TLCD4: variants seen among roughly 807,000 people sequenced by gnomAD.
TLCD4 encodes TLC domain containing 4, also known as TLC domain-containing protein 4.
A neutral mutation model predicts 24.2 loss-of-function variants in TLCD4; 7 were observed. That is an observed-to-expected ratio of 0.29 (90% CI 0.16 to 0.54). The LOEUF (loss-of-function observed/expected upper bound fraction) is 0.54, where lower values mean the gene tolerates loss of function less well. Ranked by LOEUF, TLCD4 falls within the 20% of genes least tolerant of loss-of-function variation. The probability of loss-of-function intolerance (pLI) is 0.95; values close to 1 mark genes in which losing one functional copy is unlikely to be tolerated. For synonymous variants in TLCD4, 103 were observed against 106.4 expected, an observed-to-expected ratio of 0.97 and a Z score of 0.20; for missense variants, 259 against 313.9, an observed-to-expected ratio of 0.82 and a Z score of 1.32.
chr1:95,132,690 C>T (rs1370463996), intron 1 of TLCD4, among the ~76,000 whole-genome samples: 1 of 152,014 alleles, frequency 6.6e-6, no homozygotes, highest in South Asian at 2.1e-4. Flanking sequence ...AATATTTAAA[C>T]TTTAGATTTT....
At chr1:95,100,858 G>A in the TLCD4 span, among the ~76,000 whole-genome samples, 1 of 151,252 alleles carries the variant, frequency 6.6e-6, no homozygotes, top group Admixed American at 6.6e-5. Context: ...TAACTGGAAT[G>A]CAACCCCAAT....
At chr1:95,106,796 A>G in the TLCD4 span, among the ~76,000 whole-genome samples, 1 of 152,238 alleles carries the variant, frequency 6.6e-6, no homozygotes, top group Non-Finnish European at 1.5e-5. Context: ...GCAATGGGTA[A>G]TTTTCAAAAC....
At chr1:95,153,908 A>G (rs948676983) in intron 5 of TLCD4, among the ~76,000 whole-genome samples, 1 of 152,118 alleles carries the variant, frequency 6.6e-6, no homozygotes, top group African/African-American at 2.4e-5. Context: ...TGATGTTGGG[A>G]CTAGGACCAA....
intron 1 of TLCD4, among the ~76,000 whole-genome samples, chr1:95,118,846 T>C (rs146989868): frequency 7.4e-4 from 112 of 152,330 alleles, no homozygotes; most frequent in Middle Eastern, 3.4e-3. Context: ...TTAGAAAATA[T>C]GAAAGAATGG....
At chr1:95,151,766 C>T (rs1457518683) in intron 5 of TLCD4, among the ~76,000 whole-genome samples, 2 of 152,004 alleles carry the variant, frequency 1.3e-5, no homozygotes, top group Non-Finnish European at 2.9e-5. Context: ...TATGAGCCAG[C>T]GAAAATATTT....
At chr1:95,130,506 G>T (rs1240697637) in intron 1 of TLCD4, among the ~76,000 whole-genome samples, 4 of 152,142 alleles carry the variant, frequency 2.6e-5, no homozygotes, top group African/African-American at 9.7e-5. Context: ...TTGACATTTT[G>T]TCAATGTTGA....
chr1:95,147,038 A>G (rs1677369781), intron 2 of TLCD4, among the ~76,000 whole-genome samples: 1 of 151,900 alleles, frequency 6.6e-6, no homozygotes, highest in South Asian at 2.1e-4. Flanking sequence ...CTGTATGACC[A>G]TTTAAATGGA....
chr1:95,172,038 G>A (rs1678248244), intron 5 of TLCD4, among the ~76,000 whole-genome samples: 1 of 152,200 alleles, frequency 6.6e-6, no homozygotes. Flanking sequence ...AGGAACTGCA[G>A]GAAGCTGGCA....
chr1:95,151,881 A>G (rs985360391), intron 5 of TLCD4, among the ~76,000 whole-genome samples: 1 of 152,130 alleles, frequency 6.6e-6, no homozygotes, highest in Non-Finnish European at 1.5e-5. Context: ...TCCAAGACCA[A>G]GGTTAATAGA....
intron 5 of TLCD4, among the ~76,000 whole-genome samples, chr1:95,160,015 T>G (rs1281579840): frequency 6.6e-6 from 1 of 152,238 alleles, no homozygotes; most frequent in Non-Finnish European, 1.5e-5. Flanking sequence ...ATATGAACTT[T>G]AAAGTAGTTT....
chr1:95,174,077 T>G, intron 6 of TLCD4, 188 bp downstream of exon 6: 1 of 805,312 alleles, frequency 1.2e-6, no homozygotes, highest in Non-Finnish European at 1.9e-6. Flanking sequence ...CAAGTTTCCC[T>G]AGCTAGCAAG....
chr1:95,188,125 C>T (rs907336967), intron 6 of TLCD4, among the ~76,000 whole-genome samples: 3 of 152,166 alleles, frequency 2.0e-5, no homozygotes, highest in Admixed American at 6.5e-5. Flanking sequence ...CGGTAGCTCA[C>T]GCCTGTAATC....
At chr1:95,122,966 A>G (rs1424526309) in intron 1 of TLCD4, among the ~76,000 whole-genome samples, 1 of 151,812 alleles carries the variant, frequency 6.6e-6, no homozygotes, top group Non-Finnish European at 1.5e-5. Context: ...TACTTTATGG[A>G]CATGATTTTT....
intron 6 of TLCD4, among the ~76,000 whole-genome samples, chr1:95,183,371 A>T (rs1228204725): frequency 6.6e-6 from 1 of 152,180 alleles, no homozygotes; most frequent in Non-Finnish European, 1.5e-5. Context: ...AATTAGGAAG[A>T]CTGAGAGGGA....
chr1:95,178,138 AGTTTCACAGT>A (rs1470313598), intron 6 of TLCD4, among the ~76,000 whole-genome samples: 1 of 151,304 alleles, frequency 6.6e-6, no homozygotes, highest in African/African-American at 2.4e-5. Context: ...GTAGAGATGG[AGTTTCACAGT>A]GTTGCCCAGG....
chr1:95,158,038 G>A (rs922580762), intron 5 of TLCD4, among the ~76,000 whole-genome samples: 4 of 152,044 alleles, frequency 2.6e-5, no homozygotes, highest in African/African-American at 9.7e-5. Context: ...TTCTTGCTGT[G>A]GTGGACAAGA....
chr1:95,178,296 G>A (rs1304901500), intron 6 of TLCD4, among the ~76,000 whole-genome samples: 1 of 149,910 alleles, frequency 6.7e-6, no homozygotes, highest in Non-Finnish European at 1.5e-5. Flanking sequence ...GTCTTACTCT[G>A]TCACCCTGGC....
chr1:95,092,913 A>C, the TLCD4 span, among the ~76,000 whole-genome samples: 1 of 152,096 alleles, frequency 6.6e-6, no homozygotes, highest in Non-Finnish European at 1.5e-5. Flanking sequence ...TACTTTTTGT[A>C]TTTTTAGTAG....
upstream of TLCD4, among the ~76,000 whole-genome samples, chr1:95,114,871 T>C (rs1342393376): frequency 6.6e-6 from 1 of 151,810 alleles, no homozygotes; most frequent in Non-Finnish European, 1.5e-5. Flanking sequence ...CCATTTCAAG[T>C]GTGGATAAAT....
Sources: gnomAD v4.1 joint callset for allele counts (sites outside exome capture counted in the v4.1 genomes callset) on GRCh38, gnomAD v4.1.1 for gene constraint, MANE v1.5 for transcripts, NCBI Gene and HGNC (gene_info 2026-07-23, HGNC 2026-07-21) for gene names.